The following ITSN2 variants were observed in gnomAD, a reference collection of about 807,000 sequenced individuals.
ITSN2 encodes intersectin-2.
Under a neutral mutation model 243.7 loss-of-function variants are expected in ITSN2, and 156 were observed. That is an observed-to-expected ratio of 0.64 (90% CI 0.56 to 0.73). ITSN2 has a LOEUF of 0.73. Ranked by LOEUF, ITSN2 falls within the 30% of genes least tolerant of loss-of-function variation. The probability of loss-of-function intolerance (pLI) is 0.00; values close to 1 mark genes in which losing one functional copy is unlikely to be tolerated. For synonymous variants in ITSN2, 703 were observed against 699.9 expected (o/e 1.00, Z -0.07); for missense variants, 1,801 against 1,996.1 (o/e 0.90, Z 1.86).
intron 1 of ITSN2, among the ~76,000 whole-genome samples, chr2:24,333,955 T>C (rs1324322151): frequency 6.6e-6 from 1 of 152,222 alleles, no homozygotes; most frequent in East Asian, 1.9e-4. Context: ...AGTGGCACAA[T>C]CTCGGCTCAC....
At chr2:24,219,597 C>T (rs1670263867) in intron 30 of ITSN2, among the ~76,000 whole-genome samples, 1 of 152,160 alleles carries the variant, frequency 6.6e-6, no homozygotes, top group African/African-American at 2.4e-5. Context: ...CTGGTCAGGC[C>T]TCTGGGAACC....
At chr2:24,289,400 T>C (rs1474565895) in intron 15 of ITSN2, among the ~76,000 whole-genome samples, 1 of 152,226 alleles carries the variant, frequency 6.6e-6, no homozygotes, top group African/African-American at 2.4e-5. Flanking sequence ...TTGATCTCTT[T>C]TTTGAATAGT....
At chr2:24,311,125 C>G (rs377672343) in intron 5 of ITSN2, among the ~76,000 whole-genome samples, 1 of 151,922 alleles carries the variant, frequency 6.6e-6, no homozygotes. Context: ...TCCCCCCAAA[C>G]AAAAAGGTTC....
Position 24,220,783 on chromosome 2 carries a change from C to T in ITSN2, c.3699+162G>A, listed in dbSNP as rs546519577. On this transcript the variant is annotated intron_variant, in intron 30 of 39. Coordinates refer to ENST00000355123, the MANE Select transcript of ITSN2 (RefSeq NM_006277.3). ...AGCATTATCCGGCAGGCAGAGACAG[C>T]ATTTGGAGGATGTGAGAGCTTCCGT... The T allele has an allele frequency of 2.0e-3, 2,907 of 1,425,286 alleles. 4 individuals carry two copies. Among genetic ancestry groups the T allele is most frequent in the Non-Finnish European group, 2.3e-3 (2,575 of 1,095,764 alleles). The allele number at this position is 1,425,286 out of a possible 1,614,324, so 88.3% of individuals were successfully genotyped here. A position where few individuals can be genotyped will look rare whatever the true frequency, so the allele number is the denominator to read the frequency against.
intron 29 of ITSN2, among the ~76,000 whole-genome samples, chr2:24,245,921 G>C (rs1029832615): frequency 1.3e-5 from 2 of 152,164 alleles, no homozygotes; most frequent in African/African-American, 4.8e-5. Context: ...AGTCTAATAC[G>C]AAAGTCTGGA....
Position 24,216,076 on chromosome 2 carries a change from T to C in ITSN2, c.3963A>G (p.Glu1321=). Residue 1321 remains glutamate, a synonymous_variant, in exon 32 of 40, where the codon GAA becomes GAG. Coordinates refer to ENST00000355123, the MANE Select transcript of ITSN2 (RefSeq NM_006277.3). ...TTAAAAATTCTTTGAAATCTGTGTC[T>C]TCATCTGTCTTCTGCTGTAACAGAG... The part of the protein sequence containing the change: ...GAALLQQKTD[E]DTDFKEFLKK... 2 of 1,602,932 alleles carry C rather than the reference T, an allele frequency of 1.2e-6. No individual in the cohort carries two copies. Among genetic ancestry groups the C allele is most frequent in the Non-Finnish European group, 1.7e-6 (2 of 1,174,884 alleles).
At chr2:24,234,268 A>C (rs1279616990) in intron 29 of ITSN2, among the ~76,000 whole-genome samples, 1 of 130,938 alleles carries the variant, frequency 7.6e-6, no homozygotes, top group Non-Finnish European at 1.6e-5. Flanking sequence ...ACAACTGGCC[A>C]TCCAAATGCG....
intron 2 of ITSN2, among the ~76,000 whole-genome samples, chr2:24,315,961 T>C (rs1348787305): frequency 2.0e-5 from 3 of 152,174 alleles, no homozygotes; most frequent in Non-Finnish European, 4.4e-5. Context: ...AAAACAGCTG[T>C]GCCAATTCTG....
At chr2:24,248,378 C>T (rs72855403) in intron 27 of ITSN2, among the ~76,000 whole-genome samples, 1,524 of 152,174 alleles carry the variant, frequency 0.01, 26 homozygotes, top group African/African-American at 0.035. Flanking sequence ...TAAAGGAATG[C>T]ATTATTGGAA....
chr2:24,296,197 T>G (rs1207141218), intron 13 of ITSN2, among the ~76,000 whole-genome samples: 1 of 151,486 alleles, frequency 6.6e-6, no homozygotes, highest in East Asian at 1.9e-4. Flanking sequence ...ATTTCTACCC[T>G]AAATATGGCC....
intron 7 of ITSN2, among the ~76,000 whole-genome samples, chr2:24,309,859 T>C (rs949346224): frequency 6.6e-6 from 1 of 152,176 alleles, no homozygotes; most frequent in Non-Finnish European, 1.5e-5. Flanking sequence ...GTGATTTATA[T>C]GAAGGGTGAT....
intron 29 of ITSN2, among the ~76,000 whole-genome samples, chr2:24,244,413 C>A (rs892288586): frequency 3.9e-5 from 6 of 152,134 alleles, no homozygotes; most frequent in African/African-American, 1.4e-4. Context: ...CAGCTTTTAT[C>A]TGTTCTTTAT....
chr2:24,215,382 T>C (rs1205175785), intron 32 of ITSN2, among the ~76,000 whole-genome samples: 1 of 152,200 alleles, frequency 6.6e-6, no homozygotes, highest in Admixed American at 6.5e-5. Flanking sequence ...TAAGCTATTT[T>C]AGGGCCGGGC....
chr2:24,271,474 T>TC (rs1677339051), intron 19 of ITSN2, among the ~76,000 whole-genome samples: 1 of 152,182 alleles, frequency 6.6e-6, no homozygotes, highest in Non-Finnish European at 1.5e-5. Context: ...AGTGGTTGAA[T>TC]AAAATATTTA....
At chr2:24,305,642 T>A (rs1281430414) in intron 8 of ITSN2, among the ~76,000 whole-genome samples, 3 of 132,526 alleles carry the variant, frequency 2.3e-5, no homozygotes, top group Non-Finnish European at 4.9e-5. Context: ...AACAAACATA[T>A]AAGTCCAGGT....
At chr2:24,263,283 C>G (rs1676153667) in intron 20 of ITSN2, among the ~76,000 whole-genome samples, 1 of 152,168 alleles carries the variant, frequency 6.6e-6, no homozygotes, top group Non-Finnish European at 1.5e-5. Context: ...ACTTAACTCA[C>G]TGAATAAATG....
chr2:24,211,200 G>T lies in ITSN2; in HGVS notation c.4090-253C>A, dbSNP rs1669463215. Among the ~76,000 whole-genome samples, 1 of 151,626 alleles carries T rather than the reference G, an allele frequency of 6.6e-6. No individual in the cohort carries two copies. Among genetic ancestry groups the T allele is most frequent in the Non-Finnish European group, 1.5e-5 (1 of 67,864 alleles). On this transcript the variant is annotated intron_variant, in intron 33 of 39. Transcript: ENST00000355123. This position sits in a 1 kb window ranked among gnomAD's most constrained non-coding sequence, Gnocchi z 4.1. The stretch of plus-strand genomic sequence containing the variant: ...GGATCAAGTGCTCTGAACTGTGTGG[G>T]TCTCTGGTTGCTCTCCGACTGGCTC...
chr2:24,247,729 G>T (rs1190412469), intron 27 of ITSN2, among the ~76,000 whole-genome samples: 1 of 152,148 alleles, frequency 6.6e-6, no homozygotes, highest in Non-Finnish European at 1.5e-5. Flanking sequence ...ATTCTAAAAA[G>T]ACATTTCTAG....
At chr2:24,361,353 C>T (rs2702085), upstream of ITSN2, among the ~76,000 whole-genome samples, 148,826 of 152,202 alleles carry the variant, frequency 0.98, 72,761 homozygotes, top group East Asian at 0.99. Flanking sequence ...TATCCCAAAA[C>T]CCCAAAGGTT....
Sources: allele counts gnomAD v4.1 joint callset (sites outside exome capture counted in the v4.1 genomes callset), GRCh38; gene constraint gnomAD v4.1.1; non-coding constraint Gnocchi (gnomAD v3.1); transcripts MANE v1.5; gene names NCBI Gene and HGNC (gene_info 2026-07-23, HGNC 2026-07-21).